Variants in CD38 observed in about 807,000 individuals in gnomAD.
CD38 encodes the protein CD38 molecule, also known as ADP-ribosyl cyclase/cyclic ADP-ribose hydrolase 1.
CD38 carries 31 observed loss-of-function variants against 36.3 expected under a neutral mutation model. The observed-to-expected ratio is 0.85, with a 90% confidence interval of 0.64 to 1.15. The LOEUF (loss-of-function observed/expected upper bound fraction) is 1.15. Among genes scored for constraint, CD38 ranks in the 50% most tolerant of loss-of-function variants. The pLI is 0.00. For synonymous variants in CD38, 131 were observed against 135.2 expected, an observed-to-expected ratio of 0.97 and a Z score of 0.22; for missense variants, 380 against 371.9, an observed-to-expected ratio of 1.02 and a Z score of -0.18.
chr4:15,826,903 T>C (rs1362439437), intron 3 of CD38, among the ~76,000 whole-genome samples: 2 of 152,370 alleles, frequency 1.3e-5, no homozygotes, highest in East Asian at 3.8e-4. Context: ...GGCTACTATA[T>C]ATACATAAAT....
At chr4:15,832,903 T>C (rs1325690300) in intron 3 of CD38, among the ~76,000 whole-genome samples, 2 of 152,170 alleles carry the variant, frequency 1.3e-5, no homozygotes, top group Non-Finnish European at 2.9e-5. Context: ...CTACCTAGTA[T>C]TGCATTGTAC....
chr4:15,817,800 C>T (rs1490356644), intron 2 of CD38, among the ~76,000 whole-genome samples: 1 of 152,130 alleles, frequency 6.6e-6, no homozygotes, highest in East Asian at 1.9e-4. Context: ...ATAGGAACAG[C>T]TCCAGTCTGC....
In CD38 at chr4:15,810,231, G is replaced by T. The variant is rs566309079; in HGVS notation, c.234-6280G>T. 2.0e-5 allele frequency among the ~76,000 whole-genome samples: 3 copies of T among 152,254 alleles called. No individual in the cohort carries two copies. The East Asian group carries it at 5.8e-4, about 29-fold the overall frequency. ...GAAGTAGGATATATATACCCAAGAA[G>T]AATAAAAATAATTCTGGAGGTGTCT... On this transcript the variant is annotated intron_variant, in intron 1 of 7. Coordinates refer to ENST00000226279, the MANE Select transcript of CD38 (RefSeq NM_001775.4).
intron 2 of CD38, among the ~76,000 whole-genome samples, chr4:15,817,776 G>A (rs1723633013): frequency 6.6e-6 from 1 of 152,116 alleles, no homozygotes; most frequent in Non-Finnish European, 1.5e-5. Flanking sequence ...AGGGGGAGGA[G>A]CCAAGATGGC....
chr4:15,790,195 C>T (rs1159868309), intron 1 of CD38, among the ~76,000 whole-genome samples: 4 of 140,198 alleles, frequency 2.9e-5, no homozygotes, highest in Admixed American at 1.4e-4. Flanking sequence ...CTCCCTCTCT[C>T]TCCACGGTCT....
chr4:15,808,790 AC>A (rs1369675666), intron 1 of CD38, among the ~76,000 whole-genome samples: 1 of 152,214 alleles, frequency 6.6e-6, no homozygotes, highest in Non-Finnish European at 1.5e-5. Flanking sequence ...CCCTACGGTA[AC>A]TATTTGGTTC....
intron 3 of CD38, among the ~76,000 whole-genome samples, chr4:15,833,066 A>G (rs1387383627): frequency 6.6e-6 from 1 of 151,722 alleles, no homozygotes. Context: ...AGGCCCAAGG[A>G]CTCTTCAGTC....
chr4:15,793,493 C>T (rs1723048632), intron 1 of CD38, among the ~76,000 whole-genome samples: 1 of 151,910 alleles, frequency 6.6e-6, no homozygotes, highest in African/African-American at 2.4e-5. Flanking sequence ...TACATATGTG[C>T]ATATATATTA....
chr4:15,841,866 G>T (rs1284263007), intron 7 of CD38, among the ~76,000 whole-genome samples: 1 of 122,296 alleles, frequency 8.2e-6, no homozygotes, highest in East Asian at 2.3e-4. Flanking sequence ...TTAAGAAACG[G>T]CGCACCGCGA....
chr4:15,805,477 A>T (rs72616176), intron 1 of CD38, among the ~76,000 whole-genome samples: 1 of 151,740 alleles, frequency 6.6e-6, no homozygotes, highest in Non-Finnish European at 1.5e-5. Flanking sequence ...TCTATTTTAC[A>T]TTTTTTTCTC....
intron 1 of CD38, among the ~76,000 whole-genome samples, chr4:15,813,637 C>T (rs190085830): frequency 6.6e-6 from 1 of 152,040 alleles, no homozygotes; most frequent in East Asian, 1.9e-4. Flanking sequence ...TGTGTTGTTC[C>T]CCTCCCTGTG....
chr4:15,797,889 C>T (rs1244003772), intron 1 of CD38, among the ~76,000 whole-genome samples: 4 of 152,110 alleles, frequency 2.6e-5, no homozygotes, highest in African/African-American at 9.7e-5. Flanking sequence ...ACTTGATCAT[C>T]TGTAAAACCT....
chr4:15,785,399 T>C (rs1198114827), intron 1 of CD38, among the ~76,000 whole-genome samples: 1 of 152,158 alleles, frequency 6.6e-6, no homozygotes, highest in Non-Finnish European at 1.5e-5. Flanking sequence ...CTATACCTTT[T>C]GGCCTTGTGT....
intron 1 of CD38, among the ~76,000 whole-genome samples, chr4:15,801,753 T>C (rs113739135): frequency 4.5e-4 from 69 of 152,274 alleles, no homozygotes; most frequent in African/African-American, 1.4e-3. Flanking sequence ...CCCTCCATGA[T>C]AAAAACTCTC....
At chr4:15,792,468 G>GAATAAAACAAAAAAAAAAAAA (rs1723025638) in intron 1 of CD38, among the ~76,000 whole-genome samples, 1 of 142,498 alleles carries the variant, frequency 7.0e-6, no homozygotes, top group African/African-American at 2.7e-5. Flanking sequence ...GAAAAAAAAA[G>GAATAAAACAAAAAAAAAAAAA]AAAAGAAAAG....
chr4:15,786,064 C>G (rs902394876), intron 1 of CD38, among the ~76,000 whole-genome samples: 1 of 152,154 alleles, frequency 6.6e-6, no homozygotes, highest in Non-Finnish European at 1.5e-5. Flanking sequence ...TCACTGTGCT[C>G]AGGAGTTAAG....
chr4:15,811,916 C>T (rs563773200), intron 1 of CD38, among the ~76,000 whole-genome samples: 1 of 152,164 alleles, frequency 6.6e-6, no homozygotes. Flanking sequence ...ACTGGACATG[C>T]CTGGGCTCAG....
intron 3 of CD38, among the ~76,000 whole-genome samples, chr4:15,831,747 C>G (rs1723963841): frequency 6.6e-6 from 1 of 152,052 alleles, no homozygotes; most frequent in Non-Finnish European, 1.5e-5. Context: ...GTTTGATTAT[C>G]AAATGCTTTG....
intron 5 of CD38, 31 bp from the exon 6 acceptor site, chr4:15,839,995 T>C (rs2148928563): frequency 2.7e-6 from 4 of 1,479,320 alleles, no homozygotes; most frequent in Non-Finnish European, 3.8e-6. Flanking sequence ...TTGGGGTTGA[T>C]GTTTGGGGTT....
Sources: allele counts gnomAD v4.1 joint callset (sites outside exome capture counted in the v4.1 genomes callset), GRCh38; gene constraint gnomAD v4.1.1; transcripts MANE v1.5; gene names NCBI Gene and HGNC (gene_info 2026-07-23, HGNC 2026-07-21).